Variants in KATNAL2 observed in about 807,000 individuals in gnomAD.
The protein encoded by KATNAL2 is katanin catalytic subunit A1 like 2.
A neutral mutation model predicts 76.3 loss-of-function variants in KATNAL2; 52 were observed. That is an observed-to-expected ratio of 0.68 (90% CI 0.55 to 0.86). The LOEUF (loss-of-function observed/expected upper bound fraction) is 0.86, where lower values mean the gene tolerates loss of function less well. Ranked by LOEUF, KATNAL2 falls within the 40% of genes least tolerant of loss-of-function variation. KATNAL2 has a pLI of 0.00. For missense variants in KATNAL2, 660 were observed against 668.9 expected (o/e 0.99, Z 0.15); for synonymous variants, 243 against 244.2 (o/e 1.00, Z 0.05).
In KATNAL2 at chr18:47,100,355, AGGTATG is replaced by A; in HGVS notation, c.1477+3_1477+8del. 3 of 1,612,312 alleles carry A rather than the reference AGGTATG, an allele frequency of 1.9e-6. No individual in the cohort carries two copies. Among genetic ancestry groups the A allele is most frequent in the Non-Finnish European group, 2.5e-6 (3 of 1,178,406 alleles). On this transcript the variant is annotated splice_donor_variant and splice_donor_5th_base_variant and coding_sequence_variant and intron_variant, in exon 17 of 18. Transcript: ENST00000683218. LOFTEE classifies it high-confidence loss of function. ...TTGATGCACTTGAAAATCACCAGTC[AGGTATG>A]GGTTGGATCACCATGAAGGTGTTCC...
intron 3 of KATNAL2, among the ~76,000 whole-genome samples, chr18:46,956,703 T>C (rs1014397782): frequency 1.3e-5 from 2 of 152,200 alleles, no homozygotes; most frequent in African/African-American, 4.8e-5. Context: ...TTGCAGAGCT[T>C]CTCAGTCTTT....
intron 4 of KATNAL2, among the ~76,000 whole-genome samples, chr18:47,047,883 A>G (rs907777378): frequency 1.3e-5 from 2 of 152,022 alleles, no homozygotes; most frequent in African/African-American, 4.8e-5. Flanking sequence ...TAATATTTAA[A>G]TTGTTTTTAG....
intron 7 of KATNAL2, among the ~76,000 whole-genome samples, chr18:47,058,557 G>T (rs1270412997): frequency 1.3e-5 from 2 of 151,892 alleles, no homozygotes; most frequent in African/African-American, 4.8e-5. Context: ...AACTTGAGTG[G>T]GAGGACTTTT....
chr18:47,078,362 CTGT>C, intron 15 of KATNAL2, among the ~76,000 whole-genome samples: 1 of 152,304 alleles, frequency 6.6e-6, no homozygotes, highest in South Asian at 2.1e-4. Context: ...CATTTGTAAT[CTGT>C]TATTTTAAAT....
At chr18:47,041,485 T>C (rs1037994733) in intron 3 of KATNAL2, among the ~76,000 whole-genome samples, 1 of 152,210 alleles carries the variant, frequency 6.6e-6, no homozygotes, top group African/African-American at 2.4e-5. Context: ...TTCTTCCACT[T>C]AGTGATATGC....
At chr18:47,040,545 A>T (rs990877117) in intron 3 of KATNAL2, among the ~76,000 whole-genome samples, 1 of 152,272 alleles carries the variant, frequency 6.6e-6, no homozygotes, top group Admixed American at 6.5e-5. Context: ...AAAATCAAGT[A>T]TAAAAACATT....
intron 3 of KATNAL2, chr18:47,032,668 A>G (rs532307492): frequency 3.1e-5 from 12 of 381,724 alleles, no homozygotes; most frequent in African/African-American, 2.1e-4. Context: ...ATTTCGAAAA[A>G]AAAAAGAAAG....
intron 13 of KATNAL2, among the ~76,000 whole-genome samples, 189 bp from the exon 14 acceptor site, chr18:47,075,088 T>C (rs566706400): frequency 1.4e-4 from 22 of 152,310 alleles, no homozygotes; most frequent in Non-Finnish European, 3.2e-4. Context: ...TAAATGGAAA[T>C]AATCGGACCA....
chr18:47,042,719 T>G (rs552730225), intron 3 of KATNAL2, among the ~76,000 whole-genome samples: 1 of 152,228 alleles, frequency 6.6e-6, no homozygotes, highest in South Asian at 2.1e-4. Context: ...GGAAAAAAAG[T>G]CTTTAAAAAT....
At chr18:47,085,795 T>G (rs1310893458) in intron 15 of KATNAL2, among the ~76,000 whole-genome samples, 1 of 152,084 alleles carries the variant, frequency 6.6e-6, no homozygotes, top group East Asian at 1.9e-4. Context: ...AATAAATAAA[T>G]AAATAAATAA....
intron 13 of KATNAL2, among the ~76,000 whole-genome samples, chr18:47,073,672 T>G (rs1028802150): frequency 3.3e-5 from 5 of 152,228 alleles, no homozygotes; most frequent in African/African-American, 1.2e-4. Flanking sequence ...TGTCTGTGCC[T>G]CTTAGGAGCT....
At chr18:46,953,181 A>G (rs1239103882) in intron 3 of KATNAL2, among the ~76,000 whole-genome samples, 4 of 152,072 alleles carry the variant, frequency 2.6e-5, no homozygotes, top group Admixed American at 2.6e-4. Context: ...GGCGTGAGCC[A>G]CCGCTCCCGG....
chr18:46,940,182 G>C (rs529629498), intron 1 of KATNAL2, among the ~76,000 whole-genome samples: 1 of 152,208 alleles, frequency 6.6e-6, no homozygotes, highest in Admixed American at 6.5e-5. Context: ...CTCCAGAGCA[G>C]AGCTCTGAAC....
chr18:46,930,575 G>T (rs1279787810), intron 1 of KATNAL2, among the ~76,000 whole-genome samples: 1 of 152,190 alleles, frequency 6.6e-6, no homozygotes, highest in East Asian at 1.9e-4. Context: ...CAGCACTATG[G>T]GAGGCCGAGG....
intron 3 of KATNAL2, chr18:47,033,662 G>C (rs2060603791): frequency 6.2e-7 from 1 of 1,614,096 alleles, no homozygotes; most frequent in South Asian, 1.1e-5. Flanking sequence ...CTAAGCACCT[G>C]GGCACACTGC....
intron 14 of KATNAL2, chr18:47,076,541 C>T (rs1471661760): frequency 6.6e-6 from 1 of 152,160 alleles, no homozygotes; most frequent in Non-Finnish European, 1.5e-5. Context: ...CTTCATCGAG[C>T]TAATGTGAAG....
chr18:47,029,415 T>TGAG, intron 3 of KATNAL2: 1 of 285,828 alleles, frequency 3.5e-6, no homozygotes, highest in Non-Finnish European at 5.7e-6. Context: ...AGACCTCGGG[T>TGAG]GAGGTCTCTG....
intron 15 of KATNAL2, among the ~76,000 whole-genome samples, chr18:47,088,361 T>A (rs1172493984): frequency 1.3e-5 from 2 of 152,316 alleles, no homozygotes; most frequent in Non-Finnish European, 2.9e-5. Context: ...ATTTCTTGTA[T>A]TATATCCAGG....
intron 15 of KATNAL2, among the ~76,000 whole-genome samples, chr18:47,078,335 A>G (rs1226010749): frequency 1.3e-5 from 2 of 152,220 alleles, no homozygotes; most frequent in Non-Finnish European, 2.9e-5. Context: ...GAAGTCATTG[A>G]AAAAAACCAT....
Sources: allele counts gnomAD v4.1 joint callset (sites outside exome capture counted in the v4.1 genomes callset), GRCh38; gene constraint gnomAD v4.1.1; transcripts MANE v1.5; gene names NCBI Gene and HGNC (gene_info 2026-07-23, HGNC 2026-07-21).